The following AGTPBP1 variants were observed in gnomAD, a reference collection of about 807,000 sequenced individuals.
AGTPBP1 encodes the protein cytosolic carboxypeptidase 1.
In AGTPBP1, 70 loss-of-function variants were observed where a neutral mutation model predicts 143.9. The observed-to-expected ratio is 0.49, with a 90% confidence interval of 0.40 to 0.59. The LOEUF (loss-of-function observed/expected upper bound fraction) is 0.59, where lower values mean the gene tolerates loss of function less well. AGTPBP1 is among the 20% of genes least tolerant of loss of function. AGTPBP1 has a pLI of 0.00. For missense variants in AGTPBP1, 1,229 were observed against 1,464.5 expected, an observed-to-expected ratio of 0.84 and a Z score of 2.62; for synonymous variants, 463 against 500.2, an observed-to-expected ratio of 0.93 and a Z score of 0.99.
At chr9:85,759,419 GTC>G in the AGTPBP1 span, among the ~76,000 whole-genome samples, 1 of 151,812 alleles carries the variant, frequency 6.6e-6, no homozygotes. Context: ...ATAACAAACT[GTC>G]TCTCAGACCA....
intron 15 of AGTPBP1, 98 bp from the exon 16 acceptor site, chr9:85,619,399 G>T: frequency 1.3e-6 from 1 of 772,822 alleles, no homozygotes; most frequent in Non-Finnish European, 2.0e-6. Context: ...CATCACTACT[G>T]CCATATCACC....
chr9:85,637,014 G>A (rs1587796402), intron 13 of AGTPBP1, among the ~76,000 whole-genome samples: 2 of 146,740 alleles, frequency 1.4e-5, no homozygotes, highest in African/African-American at 5.0e-5. Flanking sequence ...TTACCCAAGA[G>A]AAATGAAAGC....
chr9:85,669,489 T>C lies in AGTPBP1; in HGVS notation c.658A>G (p.Ile220Val). Residue 220 changes from isoleucine to valine, a missense_variant, in exon 8 of 26, where the codon ATA (isoleucine) becomes GTA (valine). Ile to Val is a conservative substitution (Grantham distance 29, BLOSUM62 3). This residue lies in a region of AGTPBP1 where 743 missense variants were observed against 812.2 expected (regional missense o/e 0.91). Transcript: ENST00000357081. ...ACATTCAAAACATTTACTCACTTTA[T>C]AAGACTGGAATTCTTCTTACTAAAT... The part of the protein sequence containing the change: ...GPFSKKNSSL[I>V]KVALDTLAAL... The C allele has an allele frequency of 6.2e-7, 1 of 1,600,008 alleles. No individual in the cohort carries two copies. Among genetic ancestry groups the C allele is most frequent in the Non-Finnish European group, 8.6e-7 (1 of 1,168,168 alleles).
chr9:85,604,597 A>G (rs539059645), intron 17 of AGTPBP1, among the ~76,000 whole-genome samples: 1 of 152,318 alleles, frequency 6.6e-6, no homozygotes, highest in South Asian at 2.1e-4. Context: ...ACAAGCATCA[A>G]GACCATCCAG....
At chr9:85,641,826 G>A (rs1226387798) in intron 13 of AGTPBP1, among the ~76,000 whole-genome samples, 1 of 151,788 alleles carries the variant, frequency 6.6e-6, no homozygotes, top group East Asian at 1.9e-4. Flanking sequence ...CAGCCTCCGA[G>A]TAGCTGCAAC....
chr9:85,639,356 C>T (rs142476527), intron 13 of AGTPBP1, among the ~76,000 whole-genome samples: 180 of 130,574 alleles, frequency 1.4e-3, no homozygotes, highest in African/African-American at 5.0e-3. Flanking sequence ...CACACCCATG[C>T]GCGCGCACGC....
At chr9:85,641,443 T>C (rs377681536) in intron 13 of AGTPBP1, among the ~76,000 whole-genome samples, 18 of 152,234 alleles carry the variant, frequency 1.2e-4, no homozygotes, top group Middle Eastern at 3.4e-3. Context: ...CAAATGCCTC[T>C]TCCTGTCTTC....
chr9:85,752,382 A>G, the AGTPBP1 span, among the ~76,000 whole-genome samples: 5 of 152,214 alleles, frequency 3.3e-5, no homozygotes, highest in Admixed American at 3.3e-4. Flanking sequence ...CATTTCTACT[A>G]TAATAAATTT....
chr9:85,597,244 A>AT (rs1213140030), intron 17 of AGTPBP1, among the ~76,000 whole-genome samples: 2 of 151,720 alleles, frequency 1.3e-5, no homozygotes, highest in African/African-American at 4.8e-5. Context: ...CTATTCATTT[A>AT]TTTTTTGTAT....
intron 25 of AGTPBP1, among the ~76,000 whole-genome samples, chr9:85,573,282 T>C (rs1156960484): frequency 1.3e-5 from 2 of 152,194 alleles, no homozygotes; most frequent in Non-Finnish European, 2.9e-5. Flanking sequence ...TTTCATATTT[T>C]TTTGGTGGAG....
At chr9:85,664,381 GT>G (rs1253002693) in intron 8 of AGTPBP1, among the ~76,000 whole-genome samples, 1 of 152,114 alleles carries the variant, frequency 6.6e-6, no homozygotes, top group Non-Finnish European at 1.5e-5. Flanking sequence ...CCGTGTTGGT[GT>G]TGGTATAAAG....
the AGTPBP1 span, among the ~76,000 whole-genome samples, chr9:85,773,557 C>T: frequency 1.2e-4 from 18 of 151,502 alleles, no homozygotes; most frequent in Non-Finnish European, 7.4e-5. Flanking sequence ...AGGTTGGTCT[C>T]GAACTCCTCA....
At chr9:85,682,130 C>G (rs1027750849) in intron 3 of AGTPBP1, among the ~76,000 whole-genome samples, 16 of 141,074 alleles carry the variant, frequency 1.1e-4, no homozygotes, top group African/African-American at 4.3e-4. Flanking sequence ...AATCTGGAGA[C>G]CAGATCACCC....
chr9:85,603,235 T>C (rs1264604850), intron 17 of AGTPBP1, among the ~76,000 whole-genome samples: 1 of 152,188 alleles, frequency 6.6e-6, no homozygotes, highest in African/African-American at 2.4e-5. Flanking sequence ...GCACAGCTTG[T>C]AGGTCCAGGA....
chr9:85,805,391 C>G, the AGTPBP1 span: 1 of 152,434 alleles, frequency 6.6e-6, no homozygotes, highest in East Asian at 1.9e-4. Context: ...CGCTCACCGC[C>G]GCAGTCCGCC....
upstream of AGTPBP1, among the ~76,000 whole-genome samples, chr9:85,743,916 CTTTTTCTTTCTT>C (rs1564207900): frequency 8.2e-5 from 10 of 121,688 alleles, no homozygotes; most frequent in East Asian, 1.4e-3. Flanking sequence ...TTTTCTTTTT[CTTTTTCTTTCTT>C]TTTTTTTTTT....
At chr9:85,606,169 T>A (rs760944207) in intron 17 of AGTPBP1, among the ~76,000 whole-genome samples, 4 of 151,878 alleles carry the variant, frequency 2.6e-5, no homozygotes, top group Non-Finnish European at 4.4e-5. Flanking sequence ...GGGATTAGTA[T>A]CCAAAATATA....
At position 85,588,786 on chromosome 9, in the gene AGTPBP1, T is replaced by C. The variant is rs539946846; in HGVS notation, c.2723-308A>G. ...GTTATTTAATATAATGTTAATTTTA[T>C]AAAGAACAAGCACTTGGGGGAAGTT... On this transcript the variant is annotated intron_variant, in intron 20 of 25. Transcript: ENST00000357081. Among the ~76,000 whole-genome samples, 6 of 152,218 alleles carry C rather than the reference T, an allele frequency of 3.9e-5. No individual in the cohort carries two copies. In the South Asian group the frequency reaches 1.2e-3, roughly 32 times the overall value.
chr9:85,643,523 T>C (rs912398275), intron 12 of AGTPBP1, among the ~76,000 whole-genome samples: 1 of 152,226 alleles, frequency 6.6e-6, no homozygotes, highest in African/African-American at 2.4e-5. Context: ...CCAATACAGA[T>C]TAATGATGAT....
Sources: allele counts gnomAD v4.1 joint callset (sites outside exome capture counted in the v4.1 genomes callset), GRCh38; gene constraint gnomAD v4.1.1; regional missense constraint gnomAD v4.1.1; transcripts MANE v1.5; gene names NCBI Gene and HGNC (gene_info 2026-07-23, HGNC 2026-07-21).